The following SORBS2 variants were observed in gnomAD, a reference collection of about 807,000 sequenced individuals.
SORBS2 encodes sorbin and SH3 domain containing 2.
In SORBS2, 46 loss-of-function variants were observed where a neutral mutation model predicts 97.7. The ratio of observed to expected loss-of-function variants is 0.47; its 90% CI spans 0.37 to 0.60. The LOEUF (loss-of-function observed/expected upper bound fraction) is 0.60, where lower values mean the gene tolerates loss of function less well. Among genes scored for constraint, SORBS2 ranks in the 20% least tolerant of loss-of-function variants. The pLI is 0.00. For missense variants in SORBS2, 1,316 were observed against 1,282.3 expected, an observed-to-expected ratio of 1.03 and a Z score of -0.40; for synonymous variants, 476 against 473.4, an observed-to-expected ratio of 1.01 and a Z score of -0.07.
intron 4 of SORBS2, among the ~76,000 whole-genome samples, chr4:185,671,598 T>C (rs530282316): frequency 6.6e-6 from 1 of 152,180 alleles, no homozygotes; most frequent in East Asian, 1.9e-4. Context: ...AAAAGGAGAA[T>C]CATGTTTTAC....
exon 7 of SORBS2, chr4:185,624,486 C>A: frequency 6.2e-7 from 1 of 1,602,082 alleles, no homozygotes; most frequent in South Asian, 1.1e-5. Flanking sequence ...ATTTTGCTAT[C>A]ATCCCCACCT....
At chr4:185,799,555 T>C (rs946864134) in intron 1 of SORBS2, among the ~76,000 whole-genome samples, 2 of 152,198 alleles carry the variant, frequency 1.3e-5, no homozygotes, top group Non-Finnish European at 2.9e-5. Flanking sequence ...TAGATCTCCC[T>C]GAAGAGTGGC....
At chr4:185,887,958 A>G (rs1202049891) in intron 1 of SORBS2, among the ~76,000 whole-genome samples, 3 of 149,148 alleles carry the variant, frequency 2.0e-5, no homozygotes, top group African/African-American at 5.0e-5. Context: ...TAGTATATAT[A>G]TATGTGTGTG....
intron 1 of SORBS2, among the ~76,000 whole-genome samples, chr4:185,816,628 AC>A (rs2099193414): frequency 6.6e-6 from 1 of 152,154 alleles, no homozygotes; most frequent in Non-Finnish European, 1.5e-5. Context: ...AAGCAGACTG[AC>A]CCACAGGCTA....
chr4:185,790,791 G>A (rs1480829137), intron 1 of SORBS2, among the ~76,000 whole-genome samples: 1 of 152,108 alleles, frequency 6.6e-6, no homozygotes, highest in Non-Finnish European at 1.5e-5. Flanking sequence ...GCTTTATTTA[G>A]GGAACAATTC....
At chr4:185,586,467 A>G (rs1416147381) in exon 15 of SORBS2, 1 of 152,672 alleles carries the variant, frequency 6.5e-6, no homozygotes, top group Non-Finnish European at 1.5e-5. Context: ...CAGGATTCTG[A>G]GTTCCATAGA....
At chr4:185,951,624 G>A (rs1329422543) in intron 1 of SORBS2, among the ~76,000 whole-genome samples, 1 of 152,220 alleles carries the variant, frequency 6.6e-6, no homozygotes, top group African/African-American at 2.4e-5. Flanking sequence ...CATAAACACA[G>A]TTCCCTGGTA....
chr4:185,652,991 T>C (rs900617849), intron 1 of SORBS2, among the ~76,000 whole-genome samples: 3 of 152,246 alleles, frequency 2.0e-5, no homozygotes, highest in Non-Finnish European at 4.4e-5. Flanking sequence ...GTTATAGCTG[T>C]ACCCTGCACT....
intron 1 of SORBS2, among the ~76,000 whole-genome samples, chr4:185,870,455 G>A (rs1444923587): frequency 2.0e-5 from 3 of 152,196 alleles, no homozygotes; most frequent in African/African-American, 7.2e-5. Flanking sequence ...TCACAGCCAC[G>A]TTTTCAGTGT....
chr4:185,843,919 G>A (rs1158163226), intron 1 of SORBS2, among the ~76,000 whole-genome samples: 2 of 152,204 alleles, frequency 1.3e-5, no homozygotes. Context: ...CCTAAGCAAT[G>A]TTGAGAAAGA....
intron 2 of SORBS2, among the ~76,000 whole-genome samples, chr4:185,700,658 T>TA (rs1360942377): frequency 6.6e-6 from 1 of 152,224 alleles, no homozygotes; most frequent in Non-Finnish European, 1.5e-5. Flanking sequence ...GCTGGGTTTT[T>TA]AACCATCTGG....
At position 185,665,631 on chromosome 4, in the gene SORBS2, T is replaced by C. The variant is rs567742849; in HGVS notation, c.-45-3389A>G. ...AGATGGCATAGAATTGGTTTGGGAATCAACACCTATGTAAATAAAAATGTC... is the reference window on the plus strand; with the variant it reads ...AGATGGCATAGAATTGGTTTGGGAACCAACACCTATGTAAATAAAAATGTC... On this transcript the variant is annotated intron_variant, in intron 4 of 20. Transcript: ENST00000284776. The C allele has an allele frequency of 2.7e-5, 11 of 401,948 alleles. No homozygotes were observed. In the South Asian group the frequency reaches 1.1e-3, roughly 41 times the overall value. The allele number at this position is 401,948 out of a possible 1,614,324, so 24.9% of individuals were successfully genotyped here.
At chr4:185,818,757 C>A (rs1055597817) in intron 1 of SORBS2, among the ~76,000 whole-genome samples, 2 of 150,912 alleles carry the variant, frequency 1.3e-5, no homozygotes, top group African/African-American at 4.9e-5. Context: ...ACCCAGGAGG[C>A]GGAGGTTGCA....
intron 1 of SORBS2, among the ~76,000 whole-genome samples, chr4:185,866,612 CAG>C (rs1266004544): frequency 6.6e-6 from 1 of 152,196 alleles, no homozygotes; most frequent in Non-Finnish European, 1.5e-5. Flanking sequence ...CTAGGCAAAA[CAG>C]AGACAGTTTC....
chr4:185,855,205 A>G (rs1450685264), intron 1 of SORBS2, among the ~76,000 whole-genome samples: 4 of 152,136 alleles, frequency 2.6e-5, no homozygotes, highest in African/African-American at 9.7e-5. Flanking sequence ...TTTTCAGGTT[A>G]GTAAGTGAGG....
At chr4:185,743,709 CCCT>C (rs2098741238) in intron 2 of SORBS2, among the ~76,000 whole-genome samples, 2 of 151,960 alleles carry the variant, frequency 1.3e-5, no homozygotes, top group African/African-American at 4.8e-5. Context: ...GATGGTGAGC[CCCT>C]CCTCCTCCTG....
intron 5 of SORBS2, among the ~76,000 whole-genome samples, chr4:185,628,796 C>G (rs1394644929): frequency 6.6e-6 from 1 of 152,208 alleles, no homozygotes; most frequent in Non-Finnish European, 1.5e-5. Context: ...AGCAAATTAA[C>G]TATTAAAGAT....
At chr4:185,951,066 C>T (rs138867366) in intron 1 of SORBS2, among the ~76,000 whole-genome samples, 1 of 152,194 alleles carries the variant, frequency 6.6e-6, no homozygotes, top group African/African-American at 2.4e-5. Flanking sequence ...TCAATGACAT[C>T]ATACTCAACA....
chr4:185,751,190 A>AAAAAAAAAGAG, intron 2 of SORBS2, among the ~76,000 whole-genome samples: 13 of 86,450 alleles, frequency 1.5e-4, no homozygotes, highest in East Asian at 1.1e-3. Flanking sequence ...AAAAAAAAAA[A>AAAAAAAAAGAG]AGAGAAAGAG....
Sources: allele counts gnomAD v4.1 joint callset (sites outside exome capture counted in the v4.1 genomes callset), GRCh38; gene constraint gnomAD v4.1.1; transcripts MANE v1.5; gene names NCBI Gene and HGNC (gene_info 2026-07-23, HGNC 2026-07-21).